Variants in DMD observed in about 807,000 individuals in gnomAD.
DMD encodes the protein dystrophin.
DMD carries 63 observed loss-of-function variants against 330.1 expected under a neutral mutation model. The ratio of observed to expected loss-of-function variants is 0.19; its 90% CI spans 0.16 to 0.24. The LOEUF is 0.24. Ranked by LOEUF, DMD falls within the 10% of genes least tolerant of loss-of-function variation. The pLI, the probability that DMD is intolerant of heterozygous loss-of-function variation, is 1.00. For missense variants in DMD, 3,344 were observed against 2,684.1 expected (o/e 1.25, Z -5.43); for synonymous variants, 1,223 against 959.8 (o/e 1.27, Z -5.07).
rs188767028 is a variant in DMD, at chrX:31,243,279, T to C, written c.9286+17676A>G. Among the ~76,000 whole-genome samples the C allele has an allele frequency of 4.1e-3, 455 of 112,194 alleles. 3 individuals are homozygous for C. Among genetic ancestry groups the C allele is most frequent in the African/African-American group, 0.014 (434 of 30,931 alleles). On this transcript the variant is annotated intron_variant, in intron 63 of 78. Transcript: ENST00000357033. ...AGCCACTGTAATTTAGGGCTCTGCA[T>C]ATATTTAAAAAATGTGAAGAAACAG...
chrX:33,334,268 A>G (rs2054220914), intron 1 of DMD, among the ~76,000 whole-genome samples: 1 of 111,909 alleles, frequency 8.9e-6, no homozygotes. Context: ...GTTAGGCTGC[A>G]TATTTGAACT....
intron 1 of DMD, among the ~76,000 whole-genome samples, chrX:33,056,001 C>A (rs994822608): frequency 9.1e-6 from 1 of 109,996 alleles, no homozygotes; most frequent in Non-Finnish European, 1.9e-5. Flanking sequence ...TCCCAGAATT[C>A]ATTATCTAGT....
rs746834555 is a variant in DMD at position 32,615,080 on chromosome X, C to G, written c.1332-627G>C. Among the ~76,000 whole-genome samples the G allele has an allele frequency of 3.6e-5, 4 of 111,335 alleles. No individual in the cohort carries two copies. The Admixed American group carries it at 3.8e-4, about 11-fold the overall frequency. ...GATAAAATACTGTATTAGAAGTGAG[C>G]TTCCAGCTCAGCACAGCCCAAGGGG... is the stretch of plus-strand genomic sequence containing the variant. On this transcript the variant is annotated intron_variant, in intron 11 of 78. Coordinates refer to ENST00000357033, the MANE Select transcript of DMD (RefSeq NM_004006.3).
intron 12 of DMD, among the ~76,000 whole-genome samples, chrX:32,611,508 G>C (rs1171076131): frequency 9.0e-6 from 1 of 111,391 alleles, no homozygotes; most frequent in Non-Finnish European, 1.9e-5. Flanking sequence ...GACAATATTT[G>C]TCAAACGTTT....
At chrX:32,661,394 G>C (rs1308402462) in intron 9 of DMD, among the ~76,000 whole-genome samples, 4 of 107,649 alleles carry the variant, frequency 3.7e-5, no homozygotes, top group Non-Finnish European at 7.6e-5. Flanking sequence ...TTACTATGAG[G>C]AGACCTGATT....
chrX:33,106,054 C>CA (rs10624675), intron 1 of DMD, among the ~76,000 whole-genome samples: 35,739 of 88,864 alleles, frequency 0.4, 4,844 homozygotes, highest in Non-Finnish European at 0.45. Context: ...GATACACACA[C>CA]CACACACACA....
intron 59 of DMD, among the ~76,000 whole-genome samples, chrX:31,450,176 G>T (rs2065619299): frequency 1.8e-5 from 2 of 111,576 alleles, no homozygotes; most frequent in African/African-American, 6.5e-5. Flanking sequence ...AGCTAGTCAT[G>T]AGAAGGCAAG....
At chrX:32,428,120 C>G (rs1346455046) in intron 29 of DMD, among the ~76,000 whole-genome samples, 1 of 110,918 alleles carries the variant, frequency 9.0e-6, no homozygotes, top group East Asian at 2.8e-4. Context: ...ATTTATTATA[C>G]TTTTCCCTAT....
intron 7 of DMD, among the ~76,000 whole-genome samples, chrX:32,704,270 A>T: frequency 8.9e-6 from 1 of 112,121 alleles, no homozygotes. Context: ...ATACTATCTC[A>T]GTGTATTTGA....
chrX:32,196,254 A>C (rs931214685), intron 44 of DMD, among the ~76,000 whole-genome samples: 2 of 112,338 alleles, frequency 1.8e-5, no homozygotes, highest in African/African-American at 6.5e-5. Flanking sequence ...GGCTTATGAC[A>C]ACTTGGATAA....
At chrX:32,023,039 G>C (rs982705264) in intron 44 of DMD, among the ~76,000 whole-genome samples, 2 of 109,511 alleles carry the variant, frequency 1.8e-5, no homozygotes, top group African/African-American at 6.6e-5. Context: ...CACCATGTTG[G>C]CCAGGATGGT....
chrX:31,762,212 C>T (rs1026600745), intron 51 of DMD, among the ~76,000 whole-genome samples: 9 of 112,004 alleles, frequency 8.0e-5, no homozygotes, highest in Non-Finnish European at 1.5e-4. Flanking sequence ...TCCCCATTTT[C>T]CCTTCTTCCA....
At chrX:32,497,944 C>T (rs1001115102) in intron 19 of DMD, among the ~76,000 whole-genome samples, 3 of 111,227 alleles carry the variant, frequency 2.7e-5, no homozygotes, top group African/African-American at 9.8e-5. Context: ...TATTTAATGG[C>T]TAAATTTTTC....
At chrX:31,690,173 T>C (rs1422023935) in intron 52 of DMD, among the ~76,000 whole-genome samples, 1 of 111,132 alleles carries the variant, frequency 9.0e-6, no homozygotes, top group Non-Finnish European at 1.9e-5. Context: ...ACCATCAGAG[T>C]GAACAGGCAG....
chrX:31,422,028 C>CAT (rs1330450541), intron 60 of DMD, among the ~76,000 whole-genome samples: 75 of 5,846 alleles, frequency 0.013, no homozygotes, highest in African/African-American at 0.016. Context: ...AACACACACA[C>CAT]ATATATATAT....
At chrX:31,214,880 G>T (rs1452643618) in intron 64 of DMD, among the ~76,000 whole-genome samples, 1 of 105,831 alleles carries the variant, frequency 9.4e-6, no homozygotes, top group Admixed American at 1.0e-4. Flanking sequence ...AAAGGAAAAA[G>T]GTGAGATTGT....
intron 55 of DMD, among the ~76,000 whole-genome samples, chrX:31,611,204 C>A (rs1014268649): frequency 9.1e-6 from 1 of 109,661 alleles, no homozygotes; most frequent in Non-Finnish European, 1.9e-5. Context: ...GCAGATTCCA[C>A]GACCCATCCC....
At chrX:31,856,328 C>T (rs370206103) in intron 48 of DMD, among the ~76,000 whole-genome samples, 2 of 112,113 alleles carry the variant, frequency 1.8e-5, no homozygotes, top group African/African-American at 6.5e-5. Context: ...TCTAGGTGTT[C>T]TCATATGTCT....
intron 47 of DMD, among the ~76,000 whole-genome samples, chrX:31,918,238 C>T (rs543472864): frequency 8.0e-5 from 9 of 112,247 alleles, no homozygotes; most frequent in African/African-American, 2.3e-4. Flanking sequence ...CCTCACTAGA[C>T]GCTGGGAGAT....
Sources: allele counts gnomAD v4.1 joint callset (sites outside exome capture counted in the v4.1 genomes callset), GRCh38; gene constraint gnomAD v4.1.1; transcripts MANE v1.5; gene names NCBI Gene and HGNC (gene_info 2026-07-23, HGNC 2026-07-21).